BPTF: variants seen among roughly 807,000 people sequenced by gnomAD.
BPTF encodes the protein nucleosome-remodeling factor subunit BPTF.
Under a neutral mutation model 292.5 loss-of-function variants are expected in BPTF, and 18 were observed. The ratio of observed to expected loss-of-function variants is 0.06; its 90% CI spans 0.04 to 0.09. The LOEUF is 0.09. Ranked by LOEUF, BPTF falls within the 10% of genes least tolerant of loss-of-function variation. The probability of loss-of-function intolerance (pLI) is 1.00; values close to 1 mark genes in which losing one functional copy is unlikely to be tolerated. For synonymous variants in BPTF, 1,225 were observed against 1,251.9 expected, an observed-to-expected ratio of 0.98 and a Z score of 0.45; for missense variants, 2,726 against 3,498.7, an observed-to-expected ratio of 0.78 and a Z score of 5.57.
At chr17:67,916,416 C>T (rs909404412) in intron 11 of BPTF, among the ~76,000 whole-genome samples, 11 of 151,972 alleles carry the variant, frequency 7.2e-5, no homozygotes, top group African/African-American at 2.7e-4. Context: ...GTGGTGAAAC[C>T]CCGTCTTTAC....
intron 18 of BPTF, among the ~76,000 whole-genome samples, chr17:67,937,733 G>A (rs1189079273): frequency 6.6e-6 from 1 of 151,752 alleles, no homozygotes; most frequent in Non-Finnish European, 1.5e-5. Flanking sequence ...CAGAGAGGTG[G>A]AGGGTGGGTG....
intron 23 of BPTF, chr17:67,951,584 AG>A (rs2066362299): frequency 6.6e-6 from 1 of 152,220 alleles, no homozygotes; most frequent in East Asian, 1.9e-4. Context: ...TGTATAAAAA[AG>A]TTGGTCAGTT....
In BPTF at chr17:67,945,964, C is replaced by T; in HGVS notation, c.7256C>T (p.Ser2419Phe). ...AATCAAGTTACTGTTTCATCCCCAT[C>T]CCGTCCTCAGCTACAAATACAGCAG... ...TLNQVTVSSPSRPQLQIQQPQ... is the reference protein window; with the variant it reads ...TLNQVTVSSPFRPQLQIQQPQ... Residue 2419 changes from serine (S) to phenylalanine (F), a missense_variant, in exon 21 of 28, where the codon TCC (serine) becomes TTC (phenylalanine). Transcript: ENST00000306378. 1 of 1,614,198 alleles carries T rather than the reference C, an allele frequency of 6.2e-7. No individual in the cohort carries two copies. Among genetic ancestry groups the T allele is most frequent in the African/African-American group, 1.3e-5 (1 of 75,040 alleles).
intron 7 of BPTF, among the ~76,000 whole-genome samples, chr17:67,895,960 C>T (rs1014158597): frequency 6.9e-6 from 1 of 145,390 alleles, no homozygotes; most frequent in African/African-American, 2.7e-5. Context: ...AGTACTCAAT[C>T]AGGCTTTTTT....
At chr17:67,891,663 AT>A in intron 4 of BPTF, 180 bp from the exon 5 acceptor site, 1 of 414,228 alleles carries the variant, frequency 2.4e-6, no homozygotes, top group African/African-American at 2.0e-5. Flanking sequence ...GTTACAACAT[AT>A]TTTCTTTTAA....
At chr17:67,910,176 C>T (rs564053464) in intron 10 of BPTF, among the ~76,000 whole-genome samples, 1 of 152,308 alleles carries the variant, frequency 6.6e-6, no homozygotes, top group Admixed American at 6.5e-5. Context: ...TAAGGTTCAT[C>T]CATGTTGTAG....
chr17:67,849,353 C>T (rs2144779840), intron 1 of BPTF, among the ~76,000 whole-genome samples: 1 of 152,288 alleles, frequency 6.6e-6, no homozygotes, highest in Non-Finnish European at 1.5e-5. Flanking sequence ...AACTGCAGAT[C>T]CTAATTTAGT....
At chr17:67,925,384 C>A (rs1458311289) in intron 15 of BPTF, among the ~76,000 whole-genome samples, 4 of 152,078 alleles carry the variant, frequency 2.6e-5, no homozygotes, top group Non-Finnish European at 1.5e-5. Flanking sequence ...TGTGCCATGG[C>A]CAGGCACAGT....
chr17:67,857,494 T>C (rs1181693746), intron 2 of BPTF, among the ~76,000 whole-genome samples: 4 of 149,474 alleles, frequency 2.7e-5, no homozygotes, highest in African/African-American at 9.9e-5. Context: ...AGACAAGATC[T>C]CCCTTTGTCA....
chr17:67,884,603 A>T (rs903087458), intron 4 of BPTF, among the ~76,000 whole-genome samples: 1 of 151,860 alleles, frequency 6.6e-6, no homozygotes, highest in African/African-American at 2.4e-5. Context: ...TTTCGTAGTG[A>T]TGGAGTTTCA....
At position 67,854,820 on chromosome 17, in the gene BPTF, G is replaced by A. The variant is rs564248863; in HGVS notation, c.1436+58G>A. On this transcript the variant is annotated intron_variant, in intron 2 of 27. Transcript: ENST00000306378. This position sits in a 1 kb window ranked among gnomAD's most constrained non-coding sequence, Gnocchi z 5.6. ...ATTTAAAATTAGACTAGTTTCCTTCGTGATTGATGTAGCAGAGCTATGCTG... is the reference window on the plus strand; with the variant it reads ...ATTTAAAATTAGACTAGTTTCCTTCATGATTGATGTAGCAGAGCTATGCTG... 30 of 1,228,284 alleles carry A rather than the reference G, an allele frequency of 2.4e-5. No individual in the cohort carries two copies. The South Asian group carries it at 3.1e-4, about 13-fold the overall frequency. 76.1% of individuals were successfully genotyped at this position (1,228,284 alleles called of 1,614,324 possible).
intron 1 of BPTF, among the ~76,000 whole-genome samples, chr17:67,850,643 G>T (rs1246030735): frequency 6.6e-6 from 1 of 152,024 alleles, no homozygotes. Context: ...CTAGGATTAC[G>T]GGCATGAGCC....
At chr17:67,979,542 C>T (rs2070057704) in intron 27 of BPTF, among the ~76,000 whole-genome samples, 1 of 151,890 alleles carries the variant, frequency 6.6e-6, no homozygotes, top group Non-Finnish European at 1.5e-5. Context: ...AAAACTCCGT[C>T]TCAAAGATAA....
At chr17:67,920,491 G>A (rs995171291) in intron 13 of BPTF, among the ~76,000 whole-genome samples, 5 of 152,186 alleles carry the variant, frequency 3.3e-5, no homozygotes, top group African/African-American at 4.8e-5. Context: ...TGATATGTAA[G>A]TGGGTCAATA....
chr17:67,959,422 C>G, intron 23 of BPTF, 119 bp from the exon 24 acceptor site: 1 of 734,118 alleles, frequency 1.4e-6, no homozygotes. Context: ...CTAAAACTCT[C>G]ACGTTAGGCT....
At chr17:67,929,963 GA>G (rs112831201) in intron 17 of BPTF, among the ~76,000 whole-genome samples, 15,283 of 151,606 alleles carry the variant, frequency 0.1, 2,626 homozygotes, top group African/African-American at 0.35. Flanking sequence ...AAAAAATACA[GA>G]AATTAGCCAG....
Position 67,983,571 on chromosome 17 carries a change from CAGT to C in BPTF, c.*1286_*1288del, listed in dbSNP as rs1488570852. 15 of 152,726 alleles carry C rather than the reference CAGT, an allele frequency of 9.8e-5. No individual in the cohort carries two copies. The highest frequency in any genetic ancestry group is 7.7e-4 in the East Asian group (4 of 5,190). The allele number at this position is 152,726 out of a possible 1,614,324, so 9.5% of individuals were successfully genotyped here. The stretch of plus-strand genomic sequence containing the variant: ...TCCACGTAAGGAAAAGTAGTGTAAA[CAGT>C]AGCGAGAAAATGGAAACCACAGAGG... On this transcript the variant is annotated 3_prime_UTR_variant, in exon 28 of 28. Coordinates refer to ENST00000306378, the MANE Select transcript of BPTF (RefSeq NM_182641.4).
At chr17:67,947,943 A>G (rs146993504) in intron 22 of BPTF, 135 bp downstream of exon 22, 24 of 1,241,114 alleles carry the variant, frequency 1.9e-5, no homozygotes, top group African/African-American at 1.5e-4. Flanking sequence ...ATAGTTACTC[A>G]TAACTGGTTT....
At chr17:67,925,313 T>A (rs1357708309) in intron 15 of BPTF, among the ~76,000 whole-genome samples, 1 of 152,124 alleles carries the variant, frequency 6.6e-6, no homozygotes, top group East Asian at 1.9e-4. Context: ...CATAAGAGTT[T>A]GTTGTAATTG....
Sources: allele counts gnomAD v4.1 joint callset (sites outside exome capture counted in the v4.1 genomes callset), GRCh38; gene constraint gnomAD v4.1.1; non-coding constraint Gnocchi (gnomAD v3.1); transcripts MANE v1.5; gene names NCBI Gene and HGNC (gene_info 2026-07-23, HGNC 2026-07-21).